Variants in MRPS18C observed in about 807,000 individuals in gnomAD.
The protein encoded by MRPS18C is mitochondrial ribosomal protein S18C.
In MRPS18C, 21 loss-of-function variants were observed where a neutral mutation model predicts 21.0. The ratio of observed to expected loss-of-function variants is 1.00; its 90% CI spans 0.71 to 1.44. The LOEUF is 1.44. Ranked by LOEUF, MRPS18C falls within the 40% of genes most tolerant of loss-of-function variation. MRPS18C has a pLI of 0.00. For synonymous variants in MRPS18C, 65 were observed against 54.3 expected (o/e 1.20, Z -0.87); for missense variants, 152 against 171.5 (o/e 0.89, Z 0.64).
Position 83,456,104 on chromosome 4 carries a change from T to C in MRPS18C, c.27T>C (p.Gly9=). 6.2e-7 allele frequency: 1 copy of C among 1,612,704 alleles called. No homozygotes were observed. The highest frequency in any genetic ancestry group is 8.5e-7 in the Non-Finnish European group (1 of 1,179,994). The change falls in exon 1 of 6, where the codon GGT becomes GGC. Residue 9 remains glycine, a synonymous_variant. Transcript: ENST00000295491. MAAVVAVC[G]GLGRKKLTHL... is the part of the protein sequence containing the mutation. ...TGGCCGCTGTGGTTGCTGTTTGCGG[T>C]GGTCTAGGGAGGAAGAAGTTGACAC...
At chr4:83,460,541 T>A (rs530721748) in intron 4 of MRPS18C, 1 of 197,070 alleles carries the variant, frequency 5.1e-6, no homozygotes. Flanking sequence ...TGATGGAGAC[T>A]GTATGGCCCA....
At chr4:83,459,834 T>C (rs1722011749) in intron 4 of MRPS18C, 37 bp downstream of exon 4, 1 of 1,475,750 alleles carries the variant, frequency 6.8e-7, no homozygotes, top group Non-Finnish European at 9.3e-7. Flanking sequence ...TAAATGTAGA[T>C]ACGAATTATA....
chr4:83,456,929 T>C lies in MRPS18C; in HGVS notation c.121T>C (p.Ser41Pro), dbSNP rs1721858669. 1 of 1,612,462 alleles carries C rather than the reference T, an allele frequency of 6.2e-7. No homozygotes were observed. Among genetic ancestry groups the C allele is most frequent in the African/African-American group, 1.3e-5 (1 of 74,910 alleles). Residue 41 changes from serine to proline, a missense_variant, in exon 2 of 6, where the codon TCA (serine) becomes CCA (proline). Around this residue, in one of 2 missense-constraint regions of MRPS18C, gnomAD observed 118 missense variants for 104.4 expected, o/e 1.13. Transcript: ENST00000295491. Reference protein sequence around the residue: ...THTVLWRRGCSQQVSSNEDLP... With the variant: ...THTVLWRRGCPQQVSSNEDLP... Reference sequence around the variant, plus strand: ...CGCAGTGCTTTGGAGAAGAGGTTGTTCACAACAGGTATCCAGCAATGAGGA... The same window carrying C: ...CGCAGTGCTTTGGAGAAGAGGTTGTCCACAACAGGTATCCAGCAATGAGGA...
chr4:83,456,370 G>A (rs553447392), intron 1 of MRPS18C, among the ~76,000 whole-genome samples, 193 bp downstream of exon 1: 1 of 152,232 alleles, frequency 6.6e-6, no homozygotes, highest in South Asian at 2.1e-4. Context: ...GTATTTAAAC[G>A]TATGAGGAAG....
chr4:83,456,135 G>C lies in MRPS18C; in HGVS notation c.58G>C (p.Val20Leu). 5 of 1,613,628 alleles carry C rather than the reference G, an allele frequency of 3.1e-6. No homozygotes were observed. Among genetic ancestry groups the C allele is most frequent in the Non-Finnish European group, 4.2e-6 (5 of 1,180,020 alleles). Residue 20 changes from valine to leucine, a missense_variant, in exon 1 of 6, where the codon GTA (valine) becomes CTA (leucine). By Grantham distance (32) the Val-to-Leu change is conservative (BLOSUM62 1). This residue lies in a region of MRPS18C where 118 missense variants were observed against 104.4 expected (regional missense o/e 1.13). Coordinates refer to ENST00000295491, the MANE Select transcript of MRPS18C (RefSeq NM_016067.4). Reference sequence around the variant, plus strand: ...AGGGAGGAAGAAGTTGACACACTTGGTAACGGCTGCTGTCAGCCTTACACA... The same window carrying C: ...AGGGAGGAAGAAGTTGACACACTTGCTAACGGCTGCTGTCAGCCTTACACA... ...GLGRKKLTHL[V>L]TAAVSLTHPG...
chr4:83,462,151 C>T lies in MRPS18C; in HGVS notation c.*954C>T, dbSNP rs1162118063. 2 of 278,988 alleles carry T rather than the reference C, an allele frequency of 7.2e-6. No individual in the cohort carries two copies. The highest frequency in any genetic ancestry group is 1.3e-5 in the Non-Finnish European group (2 of 149,112). The allele number at this position is 278,988 out of a possible 1,614,324, so 17.3% of individuals were successfully genotyped here. ...CAATCAATCCTCCTGACTTGTCTTC[C>T]CTAAGTGCTGGGATTACAGGTGTGA... On this transcript the variant is annotated 3_prime_UTR_variant, in exon 6 of 6. Coordinates refer to ENST00000295491, the MANE Select transcript of MRPS18C (RefSeq NM_016067.4).
intron 1 of MRPS18C, among the ~76,000 whole-genome samples, 188 bp downstream of exon 1, chr4:83,456,365 T>C (rs1367264700): frequency 6.6e-6 from 1 of 152,184 alleles, no homozygotes; most frequent in Non-Finnish European, 1.5e-5. Context: ...TTAAAGTATT[T>C]AAACGTATGA....
chr4:83,456,509 C>A (rs768764198), intron 1 of MRPS18C, among the ~76,000 whole-genome samples: 22 of 152,138 alleles, frequency 1.4e-4, no homozygotes, highest in Non-Finnish European at 2.9e-4. Context: ...AACAAAATTG[C>A]ATAATTTTTG....
In MRPS18C at chr4:83,461,287, G is replaced by A. The variant is rs1722104118; in HGVS notation, c.*90G>A. 1 of 1,111,776 alleles carries A rather than the reference G, an allele frequency of 9.0e-7. No individual in the cohort carries two copies. Among genetic ancestry groups the A allele is most frequent in the African/African-American group, 1.5e-5 (1 of 64,956 alleles). 68.9% of individuals were successfully genotyped at this position (1,111,776 alleles called of 1,614,324 possible). On this transcript the variant is annotated 3_prime_UTR_variant, in exon 6 of 6. Coordinates refer to ENST00000295491, the MANE Select transcript of MRPS18C (RefSeq NM_016067.4). ...CTCAAACCAACCTTTGGATAGAAAA[G>A]TGTTTGAGGAGTGAGGTAAAGAATG...
At chr4:83,457,154 A>T (rs1721875744) in intron 2 of MRPS18C, 196 bp downstream of exon 2, 1 of 471,816 alleles carries the variant, frequency 2.1e-6, no homozygotes, top group Non-Finnish European at 3.7e-6. Flanking sequence ...TCATGTAGTC[A>T]GCTGAGTTTT....
Position 83,458,045 on chromosome 4 carries a change from C to G in MRPS18C, c.151-301C>G, listed in dbSNP as rs1721930883. The G allele has an allele frequency of 1.1e-5, 3 of 280,904 alleles. No individual in the cohort carries two copies. The South Asian group carries it at 1.2e-4, about 11-fold the overall frequency. 17.4% of individuals were successfully genotyped at this position (280,904 alleles called of 1,614,324 possible). ...TGTTATCTATTGTGTTGTAAGTTTC[C>G]TTAAATCTAAAAATTTTTTCATTAT... On this transcript the variant is annotated intron_variant, in intron 2 of 5. Coordinates refer to ENST00000295491, the MANE Select transcript of MRPS18C (RefSeq NM_016067.4).
In MRPS18C at chr4:83,456,895, C is replaced by T. The variant is rs767492448; in HGVS notation, c.101-14C>T. 13 of 1,609,508 alleles carry T rather than the reference C, an allele frequency of 8.1e-6. No individual in the cohort carries two copies. The highest frequency in any genetic ancestry group is 1.3e-5 in the African/African-American group (1 of 74,724). On this transcript the variant is annotated splice_polypyrimidine_tract_variant and intron_variant, in intron 1 of 5. Coordinates refer to ENST00000295491, the MANE Select transcript of MRPS18C (RefSeq NM_016067.4). ...AAAAAGAAATGGTTAATTGCTGTTT[C>T]TGTTTAATCGCAGTGCTTTGGAGAA...
chr4:83,461,057 G>C (rs1163923694), intron 5 of MRPS18C, 25 bp downstream of exon 5: 1 of 1,612,040 alleles, frequency 6.2e-7, no homozygotes, highest in Non-Finnish European at 8.5e-7. Context: ...CTCAACAACT[G>C]AATTGAGCTA....
At chr4:83,459,655 C>A in intron 3 of MRPS18C, 85 bp from the exon 4 acceptor site, 1 of 1,194,752 alleles carries the variant, frequency 8.4e-7, no homozygotes, top group Non-Finnish European at 1.2e-6. Flanking sequence ...CTTTATATAA[C>A]CTGAAGGTTG....
Position 83,461,680 on chromosome 4 carries a change from T to G in MRPS18C, c.*483T>G, listed in dbSNP as rs1722123778. 3.9e-6 allele frequency: 1 copy of G among 253,780 alleles called. No homozygotes were observed. The allele number at this position is 253,780 out of a possible 1,614,324, so 15.7% of individuals were successfully genotyped here. On this transcript the variant is annotated 3_prime_UTR_variant, in exon 6 of 6. Transcript: ENST00000295491. ...TAATAGACATTGAATATGATAGACATACATGTATATATGTATCAGTTCTGA... is the reference window on the plus strand; with the variant it reads ...TAATAGACATTGAATATGATAGACAGACATGTATATATGTATCAGTTCTGA...
Position 83,456,949 on chromosome 4 carries a change from T to C in MRPS18C, c.141T>C (p.Asn47=), listed in dbSNP as rs1721861677. 2 of 1,612,014 alleles carry C rather than the reference T, an allele frequency of 1.2e-6. No homozygotes were observed. The highest frequency in any genetic ancestry group is 1.3e-5 in the African/African-American group (1 of 74,864). ...GTTGTTCACAACAGGTATCCAGCAA[T>C]GAGGACCTGGTAAGAATTTTTTTTT... The part of the protein sequence containing the change: ...RRGCSQQVSS[N]EDLPISMENP... Residue 47 remains asparagine (N), a synonymous_variant, in exon 2 of 6, where the codon AAT becomes AAC. Coordinates refer to ENST00000295491, the MANE Select transcript of MRPS18C (RefSeq NM_016067.4).
intron 4 of MRPS18C, 98 bp downstream of exon 4, chr4:83,459,895 A>G: frequency 9.9e-7 from 1 of 1,013,310 alleles, no homozygotes; most frequent in Non-Finnish European, 1.5e-6. Flanking sequence ...ATTGTGCTAT[A>G]AATTACTACT....
At chr4:83,458,317 A>G (rs1721940985) in intron 2 of MRPS18C, 29 bp from the exon 3 acceptor site, 8 of 1,428,926 alleles carry the variant, frequency 5.6e-6, no homozygotes, top group African/African-American at 2.8e-5. Context: ...AACACATCCT[A>G]TTATCAGACT....
chr4:83,461,908 C>A lies in MRPS18C; in HGVS notation c.*711C>A. 1 of 229,184 alleles carries A rather than the reference C, an allele frequency of 4.4e-6. No individual in the cohort carries two copies. The highest frequency in any genetic ancestry group is 8.6e-6 in the Non-Finnish European group (1 of 115,636). The allele number at this position is 229,184 out of a possible 1,614,324, so 14.2% of individuals were successfully genotyped here. A position where few individuals can be genotyped will look rare whatever the true frequency, so the allele number is the denominator to read the frequency against. On this transcript the variant is annotated 3_prime_UTR_variant, in exon 6 of 6. Coordinates refer to ENST00000295491, the MANE Select transcript of MRPS18C (RefSeq NM_016067.4). ...AATTTAAATTTTAGATGATGTTTTGCAAATTTATTGCATGATATCCAGCAT... is the reference window on the plus strand; with the variant it reads ...AATTTAAATTTTAGATGATGTTTTGAAAATTTATTGCATGATATCCAGCAT...
Sources: allele counts gnomAD v4.1 joint callset (sites outside exome capture counted in the v4.1 genomes callset), GRCh38; gene constraint gnomAD v4.1.1; regional missense constraint gnomAD v4.1.1; transcripts MANE v1.5; gene names NCBI Gene and HGNC (gene_info 2026-07-23, HGNC 2026-07-21).